Variants in CLEC2A observed in about 807,000 individuals in gnomAD.
CLEC2A encodes keratinocyte-associated C-type lectin.
A neutral mutation model predicts 18.6 loss-of-function variants in CLEC2A; 19 were observed. The observed-to-expected ratio is 1.02, with a 90% confidence interval of 0.71 to 1.50. The LOEUF is 1.50. CLEC2A is among the 40% of genes most tolerant of loss of function. CLEC2A has a pLI of 0.00. For synonymous variants in CLEC2A, 74 were observed against 64.0 expected (o/e 1.16, Z -0.75); for missense variants, 190 against 207.9 (o/e 0.91, Z 0.53).
At chr12:9,907,686 G>A (rs1862925099) in intron 4 of CLEC2A, among the ~76,000 whole-genome samples, 1 of 152,168 alleles carries the variant, frequency 6.6e-6, no homozygotes, top group East Asian at 1.9e-4. Context: ...GCAGACATAT[G>A]TGTTTTGGGG....
chr12:9,886,157 A>G, the CLEC2A span, among the ~76,000 whole-genome samples: 1 of 152,176 alleles, frequency 6.6e-6, no homozygotes, highest in African/African-American at 2.4e-5. Flanking sequence ...ACTAGTAGTA[A>G]AAATATTTTT....
At chr12:9,882,064 C>T in the CLEC2A span, among the ~76,000 whole-genome samples, 1 of 151,132 alleles carries the variant, frequency 6.6e-6, no homozygotes. Context: ...TCGTAAAAGC[C>T]CTATAGGATT....
chr12:9,885,956 C>T, the CLEC2A span, among the ~76,000 whole-genome samples: 1 of 151,986 alleles, frequency 6.6e-6, no homozygotes, highest in African/African-American at 2.4e-5. Flanking sequence ...AAAAATGTTC[C>T]TAAAATTCAG....
chr12:9,893,582 G>T, the CLEC2A span: 12 of 720,356 alleles, frequency 1.7e-5, no homozygotes, highest in South Asian at 2.3e-4. Context: ...AATGTTTATA[G>T]AATTATTTTT....
the CLEC2A span, among the ~76,000 whole-genome samples, chr12:9,879,688 C>T: frequency 6.6e-5 from 10 of 152,172 alleles, no homozygotes; most frequent in Admixed American, 2.6e-4. Flanking sequence ...TACATTGATG[C>T]TATCATGCCA....
At chr12:9,895,836 G>A (rs2137007345), downstream of CLEC2A, 5 of 1,523,062 alleles carry the variant, frequency 3.3e-6, no homozygotes, top group Non-Finnish European at 4.4e-6. Flanking sequence ...GTGTGTAAAT[G>A]TACAACCAAA....
chr12:9,901,574 C>A (rs1862829931), intron 4 of CLEC2A, among the ~76,000 whole-genome samples: 1 of 152,118 alleles, frequency 6.6e-6, no homozygotes, highest in Admixed American at 6.5e-5. Flanking sequence ...TCCCATGTAC[C>A]TAAACATGTC....
chr12:9,896,334 T>C (rs2137007773), downstream of CLEC2A, among the ~76,000 whole-genome samples: 1 of 152,226 alleles, frequency 6.6e-6, no homozygotes, highest in East Asian at 1.9e-4. Context: ...ATTTAGGTGA[T>C]GGATAAACTA....
chr12:9,890,535 G>A, the CLEC2A span, among the ~76,000 whole-genome samples: 2 of 152,132 alleles, frequency 1.3e-5, no homozygotes, highest in Admixed American at 6.5e-5. Flanking sequence ...CATTTACCAC[G>A]TGTCACTCTT....
At chr12:9,900,467 T>C (rs145577025) in intron 4 of CLEC2A, among the ~76,000 whole-genome samples, 227 of 152,362 alleles carry the variant, frequency 1.5e-3, no homozygotes, top group African/African-American at 5.3e-3. Context: ...AAATAGACTT[T>C]AGTTTTATGC....
At chr12:9,885,624 C>T in the CLEC2A span, among the ~76,000 whole-genome samples, 1 of 151,908 alleles carries the variant, frequency 6.6e-6, no homozygotes, top group African/African-American at 2.4e-5. Context: ...TCCTTTACTT[C>T]TTAATAAAGG....
the CLEC2A span, among the ~76,000 whole-genome samples, chr12:9,890,076 A>G: frequency 6.6e-6 from 1 of 152,158 alleles, no homozygotes; most frequent in Non-Finnish European, 1.5e-5. Flanking sequence ...CTGTATCTCC[A>G]CCATCATCAC....
chr12:9,919,605 G>T (rs1863131290), intron 3 of CLEC2A, among the ~76,000 whole-genome samples: 1 of 152,234 alleles, frequency 6.6e-6, no homozygotes, highest in Non-Finnish European at 1.5e-5. Context: ...CGCTTGCGAG[G>T]GGGGCTGGAG....
At chr12:9,884,382 G>A in the CLEC2A span, among the ~76,000 whole-genome samples, 1 of 151,620 alleles carries the variant, frequency 6.6e-6, no homozygotes, top group Non-Finnish European at 1.5e-5. Flanking sequence ...ATATATTACA[G>A]GTGTAAGGTG....
intron 2 of CLEC2A, among the ~76,000 whole-genome samples, chr12:9,924,142 A>T (rs1305684851): frequency 1.3e-5 from 2 of 152,218 alleles, no homozygotes; most frequent in Middle Eastern, 3.4e-3. Context: ...AAAAGAAAAA[A>T]TAATAATCGC....
rs978727842 is a variant in CLEC2A at position 9,916,742 on chromosome 12, C to T, written c.368G>A (p.Gly123Glu). The T allele has an allele frequency of 2.3e-5, 35 of 1,551,190 alleles. No individual in the cohort carries two copies. The highest frequency in any genetic ancestry group is 2.7e-5 in the Non-Finnish European group (31 of 1,146,588). ...GCCATTTGTCCATTTCCAAGAATCTCCTTGTTTCCTGCTTAGTCCAATCCA... is the reference window on the plus strand; with the variant it reads ...GCCATTTGTCCATTTCCAAGAATCTTCTTGTTTCCTGCTTAGTCCAATCCA... ...MHWIGLSRKQ[G>E]DSWKWTNGTT... Residue 123 changes from glycine to glutamate, a missense_variant, in exon 4 of 5, where the codon GGA becomes GAA. Coordinates refer to ENST00000455827, the MANE Select transcript of CLEC2A (RefSeq NM_001130711.2).
At chr12:9,901,989 C>G (rs191777752) in intron 4 of CLEC2A, among the ~76,000 whole-genome samples, 228 of 152,286 alleles carry the variant, frequency 1.5e-3, no homozygotes, top group African/African-American at 5.4e-3. Context: ...ATTCTTCCAC[C>G]ACTTCCTTGA....
intron 1 of CLEC2A, among the ~76,000 whole-genome samples, 197 bp from the exon 2 acceptor site, chr12:9,926,540 C>T (rs1359797280): frequency 6.6e-6 from 1 of 151,990 alleles, no homozygotes; most frequent in East Asian, 1.9e-4. Context: ...TATAGCTGTT[C>T]GGCTCGAGAG....
intron 1 of CLEC2A, among the ~76,000 whole-genome samples, chr12:9,928,693 A>G (rs1863319741): frequency 6.6e-6 from 1 of 152,222 alleles, no homozygotes; most frequent in Non-Finnish European, 1.5e-5. Flanking sequence ...CAAAGTCTTG[A>G]ACAAATACTT....
Sources: allele counts gnomAD v4.1 joint callset (sites outside exome capture counted in the v4.1 genomes callset), GRCh38; gene constraint gnomAD v4.1.1; transcripts MANE v1.5; gene names NCBI Gene and HGNC (gene_info 2026-07-23, HGNC 2026-07-21).